The following TMEM131 variants were observed in gnomAD, a reference collection of about 807,000 sequenced individuals.
TMEM131 encodes the protein transmembrane protein 131.
Under a neutral mutation model 211.6 loss-of-function variants are expected in TMEM131, and 66 were observed. The ratio of observed to expected loss-of-function variants is 0.31; its 90% CI spans 0.26 to 0.38. The LOEUF is 0.38. TMEM131 is among the 10% of genes least tolerant of loss of function. The pLI is 1.00. For missense variants in TMEM131, 2,036 were observed against 2,299.3 expected, an observed-to-expected ratio of 0.89 and a Z score of 2.34; for synonymous variants, 844 against 841.3, an observed-to-expected ratio of 1.00 and a Z score of -0.06.
chr2:97,784,866 A>C (rs1573356027), intron 31 of TMEM131, among the ~76,000 whole-genome samples: 2 of 152,094 alleles, frequency 1.3e-5, no homozygotes, highest in Admixed American at 1.3e-4. Context: ...CTGACCAAAA[A>C]CCCCAAAAAA....
At chr2:97,905,738 T>C (rs73960426) in intron 3 of TMEM131, among the ~76,000 whole-genome samples, 2,930 of 152,316 alleles carry the variant, frequency 0.019, 95 homozygotes, top group African/African-American at 0.066. Flanking sequence ...ACTGTCCATT[T>C]TCCCTCATTA....
intron 4 of TMEM131, among the ~76,000 whole-genome samples, chr2:97,866,987 A>G (rs1674298347): frequency 6.6e-6 from 1 of 152,236 alleles, no homozygotes. Flanking sequence ...TCCTTTGAGC[A>G]TCATGTTGGC....
intron 5 of TMEM131, among the ~76,000 whole-genome samples, chr2:97,858,987 T>C (rs1673958833): frequency 6.6e-6 from 1 of 152,240 alleles, no homozygotes; most frequent in African/African-American, 2.4e-5. Context: ...TGTGGTAATT[T>C]ATTATGTAGC....
At chr2:97,789,979 C>T (rs971067996) in intron 31 of TMEM131, among the ~76,000 whole-genome samples, 3 of 152,248 alleles carry the variant, frequency 2.0e-5, no homozygotes, top group African/African-American at 7.2e-5. Flanking sequence ...GGGAGATAAA[C>T]ACATTCACTT....
chr2:97,945,863 A>C (rs898511068), intron 1 of TMEM131, among the ~76,000 whole-genome samples: 2 of 152,176 alleles, frequency 1.3e-5, no homozygotes, highest in Admixed American at 6.5e-5. Flanking sequence ...TTTTAAAAAG[A>C]TATACATCAA....
chr2:97,952,788 A>G (rs768396156), intron 1 of TMEM131, among the ~76,000 whole-genome samples: 5 of 152,148 alleles, frequency 3.3e-5, no homozygotes, highest in African/African-American at 7.2e-5. Context: ...CTGAGGTGGG[A>G]GGATTGCTTG....
At chr2:97,950,076 T>C (rs776882676) in intron 1 of TMEM131, among the ~76,000 whole-genome samples, 3 of 152,020 alleles carry the variant, frequency 2.0e-5, no homozygotes, top group African/African-American at 7.2e-5. Context: ...TGGCTACCAA[T>C]CTCATTACGT....
chr2:97,884,771 A>G (rs1019023593), intron 4 of TMEM131, among the ~76,000 whole-genome samples: 14 of 152,158 alleles, frequency 9.2e-5, no homozygotes, highest in African/African-American at 3.4e-4. Context: ...TGGATGAAGT[A>G]TCTTTTTCTT....
chr2:97,963,731 T>C (rs932964225), intron 1 of TMEM131, among the ~76,000 whole-genome samples: 1 of 152,132 alleles, frequency 6.6e-6, no homozygotes, highest in Non-Finnish European at 1.5e-5. Context: ...AATAAATAAA[T>C]ACAATAAGAA....
intron 35 of TMEM131, 179 bp from the exon 36 acceptor site, chr2:97,762,379 T>G: frequency 1.7e-6 from 1 of 592,148 alleles, no homozygotes; most frequent in Non-Finnish European, 2.9e-6. Flanking sequence ...CACATCTCTC[T>G]GCACTCGGGG....
chr2:97,914,019 A>C (rs550034002), intron 2 of TMEM131, among the ~76,000 whole-genome samples: 1 of 152,310 alleles, frequency 6.6e-6, no homozygotes, highest in Non-Finnish European at 1.5e-5. Context: ...GCTTTTGATT[A>C]TGAAGATCTC....
At chr2:97,787,389 C>T (rs1015930975) in intron 31 of TMEM131, among the ~76,000 whole-genome samples, 13 of 152,200 alleles carry the variant, frequency 8.5e-5, no homozygotes, top group South Asian at 2.1e-4. Flanking sequence ...TGTGGTCCCA[C>T]GTTAGGCCCT....
rs759401788 is a variant in TMEM131 at position 97,757,095 on chromosome 2, T to G, written c.*4A>C. On this transcript the variant is annotated 3_prime_UTR_variant, in exon 41 of 41. Transcript: ENST00000186436. ...CCACTATGTTTGTTTGTTTTTTGCT[T>G]AATTTAATTCTCGTGAGGAAAGTGC... The G allele has an allele frequency of 1.3e-6, 2 of 1,577,264 alleles. No homozygotes were observed. Among genetic ancestry groups the G allele is most frequent in the African/African-American group, 2.7e-5 (2 of 73,532 alleles).
chr2:97,766,432 T>C (rs780050577), intron 34 of TMEM131, 46 bp downstream of exon 34: 7 of 1,613,274 alleles, frequency 4.3e-6, no homozygotes, highest in African/African-American at 1.3e-5. Flanking sequence ...CGGTGCACTA[T>C]GAAAAGATCC....
At chr2:97,808,224 C>A (rs1463172428) in intron 19 of TMEM131, among the ~76,000 whole-genome samples, 1 of 152,060 alleles carries the variant, frequency 6.6e-6, no homozygotes, top group Non-Finnish European at 1.5e-5. Context: ...TAGAATTTTC[C>A]ACTTGTGGTC....
chr2:97,965,952 A>C (rs1433737667), intron 1 of TMEM131, among the ~76,000 whole-genome samples: 1 of 152,108 alleles, frequency 6.6e-6, no homozygotes, highest in Admixed American at 6.5e-5. Context: ...GAGTAGAAAA[A>C]GAACAGTAAT....
intron 1 of TMEM131, among the ~76,000 whole-genome samples, chr2:97,957,265 G>T (rs1678614431): frequency 6.6e-6 from 1 of 151,914 alleles, no homozygotes; most frequent in African/African-American, 2.4e-5. Context: ...AAAAAGCAAA[G>T]AAACAAAAAT....
At chr2:97,778,537 CA>C (rs1483906181) in intron 31 of TMEM131, among the ~76,000 whole-genome samples, 2 of 147,482 alleles carry the variant, frequency 1.4e-5, no homozygotes, top group African/African-American at 5.0e-5. Flanking sequence ...GGTGACAGAG[CA>C]AGACTTCATC....
At chr2:97,769,634 CTTATT>C (rs1679369570) in intron 33 of TMEM131, among the ~76,000 whole-genome samples, 1 of 152,170 alleles carries the variant, frequency 6.6e-6, no homozygotes, top group Admixed American at 6.5e-5. Flanking sequence ...ACTTCTTTTG[CTTATT>C]TTAGATTATT....
Sources: allele counts gnomAD v4.1 joint callset (sites outside exome capture counted in the v4.1 genomes callset), GRCh38; gene constraint gnomAD v4.1.1; transcripts MANE v1.5; gene names NCBI Gene and HGNC (gene_info 2026-07-23, HGNC 2026-07-21).